Variants in NEK10 observed in about 807,000 individuals in gnomAD.
NEK10 encodes the protein NIMA related kinase 10, also known as serine/threonine-protein kinase Nek10.
Under a neutral mutation model 159.8 loss-of-function variants are expected in NEK10, and 122 were observed. The observed-to-expected ratio is 0.76, with a 90% CI of 0.66 to 0.89. NEK10 has a LOEUF of 0.89. Ranked by LOEUF, NEK10 falls within the 40% of genes least tolerant of loss-of-function variation. The pLI is 0.00. For missense variants in NEK10, 1,342 were observed against 1,323.1 expected, an observed-to-expected ratio of 1.01 and a Z score of -0.22; for synonymous variants, 466 against 457.1, an observed-to-expected ratio of 1.02 and a Z score of -0.25.
chr3:27,312,704 A>T (rs966697233), intron 7 of NEK10, among the ~76,000 whole-genome samples: 3 of 152,214 alleles, frequency 2.0e-5, no homozygotes, highest in Middle Eastern at 3.2e-3. Context: ...AATAAGAAAC[A>T]GGCTCAGGGA....
At chr3:27,365,841 G>C (rs2049041372) in intron 1 of NEK10, among the ~76,000 whole-genome samples, 1 of 151,950 alleles carries the variant, frequency 6.6e-6, no homozygotes, top group Non-Finnish European at 1.5e-5. Flanking sequence ...TCAAACTCCT[G>C]ACCTCAAGTG....
intron 13 of NEK10, among the ~76,000 whole-genome samples, chr3:27,299,910 C>T (rs572839407): frequency 6.6e-6 from 1 of 152,300 alleles, no homozygotes; most frequent in African/African-American, 2.4e-5. Context: ...TAGGAAGTAA[C>T]TGACTTGCTT....
intron 26 of NEK10, among the ~76,000 whole-genome samples, chr3:27,175,216 G>A (rs1158779568): frequency 6.6e-6 from 1 of 152,140 alleles, no homozygotes; most frequent in Admixed American, 6.5e-5. Flanking sequence ...CAGCAAATAA[G>A]TAAGGCTTAT....
At chr3:27,117,957 CA>C (rs1940724832) in intron 33 of NEK10, among the ~76,000 whole-genome samples, 1 of 152,150 alleles carries the variant, frequency 6.6e-6, no homozygotes, top group African/African-American at 2.4e-5. Flanking sequence ...TTGGGTTTTA[CA>C]TTTAAGTCTT....
At chr3:27,148,696 C>T (rs1029511611) in intron 30 of NEK10, among the ~76,000 whole-genome samples, 1 of 152,182 alleles carries the variant, frequency 6.6e-6, no homozygotes, top group African/African-American at 2.4e-5. Context: ...TTATTTTACA[C>T]ACCATGCTAC....
rs1381291374 is a variant in NEK10 at position 27,131,986 on chromosome 3, G to A, written c.2975C>T (p.Pro992Leu). 6.4e-7 allele frequency: 1 copy of A among 1,568,864 alleles called. No individual in the cohort carries two copies. Among genetic ancestry groups the A allele is most frequent in the African/African-American group, 1.4e-5 (1 of 73,826 alleles). The change falls in exon 32 of 36, where the codon CCT becomes CTT. Residue 992 changes from proline (P) to leucine (L), a missense_variant. By Grantham distance (98) the Pro-to-Leu change is moderately conservative. Transcript: ENST00000691995. ...TTTCAAATTGTGGTGCAAAGCTGGA[G>A]GAAGCTGCATAAAATAAGAAAACAA... is the stretch of plus-strand genomic sequence containing the variant. ...LHKIIYITQL[P>L]PALHHNLKRR... is the part of the protein sequence containing the mutation.
At chr3:27,304,676 T>G in intron 12 of NEK10, 71 bp downstream of exon 12, 1 of 944,298 alleles carries the variant, frequency 1.1e-6, no homozygotes, top group Non-Finnish European at 1.7e-6. Flanking sequence ...CACACCAATC[T>G]GCCATCTTGT....
rs540769745 is a variant in NEK10, at chr3:27,354,153, T to C, written c.-37-1234A>G. On this transcript the variant is annotated intron_variant, in intron 1 of 35. Transcript: ENST00000691995. ...TGGCTTCGAATTCCTGCTCAAACTA[T>C]AGCTACAGACTATAGTTTAGAAGCA... is the stretch of plus-strand genomic sequence containing the variant. 2.6e-5 allele frequency among the ~76,000 whole-genome samples: 4 copies of C among 152,290 alleles called. No individual in the cohort carries two copies. In the East Asian group the frequency reaches 7.7e-4, roughly 29 times the overall value.
At chr3:27,250,681 A>G (rs1410044654) in intron 23 of NEK10, among the ~76,000 whole-genome samples, 1 of 152,126 alleles carries the variant, frequency 6.6e-6, no homozygotes, top group East Asian at 1.9e-4. Context: ...TATTTTCACC[A>G]GATATACTAT....
intron 32 of NEK10, 107 bp from the exon 33 acceptor site, chr3:27,119,975 T>C: frequency 1.3e-6 from 1 of 755,362 alleles, no homozygotes; most frequent in Non-Finnish European, 2.3e-6. Context: ...ACAGAAAATT[T>C]AGTGTTCTGT....
chr3:27,364,086 T>C (rs1282518049), intron 1 of NEK10, among the ~76,000 whole-genome samples: 1 of 152,068 alleles, frequency 6.6e-6, no homozygotes, highest in Non-Finnish European at 1.5e-5. Flanking sequence ...AAGTATTAAC[T>C]TTTTTGTGTG....
At chr3:27,139,700 C>A (rs1943581451) in intron 31 of NEK10, among the ~76,000 whole-genome samples, 1 of 152,114 alleles carries the variant, frequency 6.6e-6, no homozygotes, top group African/African-American at 2.4e-5. Context: ...TTGTACTTAA[C>A]CATGGTCTGT....
At chr3:27,242,722 A>T (rs1218363685) in intron 23 of NEK10, among the ~76,000 whole-genome samples, 1 of 152,202 alleles carries the variant, frequency 6.6e-6, no homozygotes, top group Non-Finnish European at 1.5e-5. Flanking sequence ...TTACAGATGA[A>T]CTCAGAAGAA....
intron 35 of NEK10, among the ~76,000 whole-genome samples, chr3:27,115,713 A>G (rs567484198): frequency 6.6e-6 from 1 of 152,292 alleles, no homozygotes; most frequent in South Asian, 2.1e-4. Context: ...CTACTAAGCA[A>G]TCACCCTTTT....
intron 22 of NEK10, among the ~76,000 whole-genome samples, chr3:27,283,609 A>T (rs1559424902): frequency 6.6e-6 from 1 of 152,194 alleles, no homozygotes; most frequent in Non-Finnish European, 1.5e-5. Flanking sequence ...ACAAGTGTTC[A>T]TGAGGCAGGC....
intron 30 of NEK10, chr3:27,143,470 T>C: frequency 1.3e-6 from 1 of 761,620 alleles, no homozygotes. Flanking sequence ...TGCCCATCTG[T>C]GGCCCTAAAT....
At chr3:27,199,566 TAAA>T in intron 25 of NEK10, among the ~76,000 whole-genome samples, 1 of 152,102 alleles carries the variant, frequency 6.6e-6, no homozygotes, top group Non-Finnish European at 1.5e-5. Flanking sequence ...CCCAAAGACA[TAAA>T]AACAGAACTA....
intron 22 of NEK10, among the ~76,000 whole-genome samples, chr3:27,267,483 A>T (rs957790333): frequency 6.6e-6 from 1 of 152,106 alleles, no homozygotes; most frequent in Non-Finnish European, 1.5e-5. Context: ...CTCACTTTAT[A>T]TGTCTCTCAC....
intron 11 of NEK10, among the ~76,000 whole-genome samples, chr3:27,306,210 G>A (rs1275785211): frequency 6.6e-6 from 1 of 152,038 alleles, no homozygotes; most frequent in East Asian, 1.9e-4. Context: ...TATTTCCTGG[G>A]CAACGTTGGG....
Sources: allele counts gnomAD v4.1 joint callset (sites outside exome capture counted in the v4.1 genomes callset), GRCh38; gene constraint gnomAD v4.1.1; transcripts MANE v1.5; gene names NCBI Gene and HGNC (gene_info 2026-07-23, HGNC 2026-07-21).